ADD2: variants seen among roughly 807,000 people sequenced by gnomAD.
ADD2 encodes the protein beta-adducin.
ADD2 carries 23 observed loss-of-function variants against 83.0 expected under a neutral mutation model. That is an observed-to-expected ratio of 0.28 (90% CI 0.20 to 0.39). The LOEUF (loss-of-function observed/expected upper bound fraction) is 0.39. ADD2 is among the 10% of genes least tolerant of loss of function. The pLI is 1.00. For synonymous variants in ADD2, 375 were observed against 375.4 expected, an observed-to-expected ratio of 1.00 and a Z score of 0.01; for missense variants, 758 against 944.9, an observed-to-expected ratio of 0.80 and a Z score of 2.59.
At chr2:70,698,344 C>T (rs1208936852) in intron 4 of ADD2, among the ~76,000 whole-genome samples, 1 of 152,190 alleles carries the variant, frequency 6.6e-6, no homozygotes, top group Non-Finnish European at 1.5e-5. Context: ...AAGAGGATGA[C>T]CTCACCCACA....
chr2:70,692,267 G>A (rs749929713), intron 7 of ADD2, 136 bp downstream of exon 7: 117 of 996,314 alleles, frequency 1.2e-4, no homozygotes, highest in Middle Eastern at 4.3e-4. Flanking sequence ...GAGGCTGGGC[G>A]TTTCCACGTT....
chr2:70,683,683 C>G lies in ADD2; in HGVS notation c.1033G>C (p.Val345Leu), dbSNP rs782815520. 2.5e-6 allele frequency: 4 copies of G among 1,614,174 alleles called. No individual in the cohort carries two copies. Among genetic ancestry groups the G allele is most frequent in the Non-Finnish European group, 2.5e-6 (3 of 1,180,026 alleles). ...CCAAAGGTGCTCCCGGCCCACTGCA[C>G]GGAGCCCACCTCATGGGGCCGGTGC... Reference protein sequence around the residue: ...EKHRPHEVGSVQWAGSTFGPM... With the variant: ...EKHRPHEVGSLQWAGSTFGPM... The change falls in exon 10 of 16, where the codon GTG becomes CTG. Residue 345 changes from valine to leucine, a missense_variant. Coordinates refer to ENST00000264436, the MANE Select transcript of ADD2 (RefSeq NM_001617.4).
chr2:70,690,102 A>AT (rs59520375), intron 8 of ADD2, among the ~76,000 whole-genome samples: 43,400 of 148,660 alleles, frequency 0.29, 6,620 homozygotes, highest in East Asian at 0.44. Flanking sequence ...GAAAAAAAAA[A>AT]TTTTTTTTTT....
At chr2:70,674,987 CT>C in intron 13 of ADD2, 162 bp from the exon 14 acceptor site, 1 of 1,344,136 alleles carries the variant, frequency 7.4e-7, no homozygotes, top group East Asian at 2.6e-5. Flanking sequence ...AGGGATTGTT[CT>C]TTCCTCCCCA....
chr2:70,689,434 T>C (rs182079284), intron 8 of ADD2, among the ~76,000 whole-genome samples: 2 of 152,242 alleles, frequency 1.3e-5, no homozygotes, highest in Admixed American at 1.3e-4. Context: ...TCCTCTCCTG[T>C]TGAAAACAGC....
At chr2:70,756,150 C>A (rs1459952117) in intron 1 of ADD2, among the ~76,000 whole-genome samples, 1 of 152,010 alleles carries the variant, frequency 6.6e-6, no homozygotes, top group African/African-American at 2.4e-5. Flanking sequence ...CTATACAGAG[C>A]AGCAGATCCT....
rs931063445 is a variant in ADD2 at position 70,690,834 on chromosome 2, C to T, written c.801G>A (p.Gln267=). Residue 267 remains glutamine (Q), a synonymous_variant, in exon 8 of 16, where the codon CAG becomes CAA. Coordinates refer to ENST00000264436, the MANE Select transcript of ADD2 (RefSeq NM_001617.4). ...AYYDFNGEME[Q]EADRINLQKC... is the part of the protein sequence containing the mutation. ...TCTGCAGGTTGATCCGATCGGCTTC[C>T]TGCTCCATTTCCCCATTGAAGTCAT... 1 of 1,614,214 alleles carries T rather than the reference C, an allele frequency of 6.2e-7. No homozygotes were observed. The highest frequency in any genetic ancestry group is 1.7e-5 in the Admixed American group (1 of 60,022).
chr2:70,691,779 G>A (rs1413090690), intron 7 of ADD2: 1 of 152,156 alleles, frequency 6.6e-6, no homozygotes, highest in African/African-American at 2.4e-5. Context: ...TGAGAAAACG[G>A]GCTGATGACA....
rs1221583952 is a variant in ADD2 at position 70,662,577 on chromosome 2, A to G, written c.*848T>C. Reference sequence around the variant, plus strand: ...CTGTTGTTTTGATCCTCCTTATACAACCCAAAGCCAACAGAGGATTTCAAC... The same window carrying G: ...CTGTTGTTTTGATCCTCCTTATACAGCCCAAAGCCAACAGAGGATTTCAAC... On this transcript the variant is annotated 3_prime_UTR_variant, in exon 16 of 16. Coordinates refer to ENST00000264436, the MANE Select transcript of ADD2 (RefSeq NM_001617.4). 1 of 152,180 alleles carries G rather than the reference A, an allele frequency of 6.6e-6. No homozygotes were observed. Among genetic ancestry groups the G allele is most frequent in the Non-Finnish European group, 1.5e-5 (1 of 68,034 alleles). 9.4% of individuals were successfully genotyped at this position (152,180 alleles called of 1,614,324 possible).
intron 1 of ADD2, among the ~76,000 whole-genome samples, chr2:70,729,945 C>T (rs79387433): frequency 0.018 from 2,746 of 151,678 alleles, 78 homozygotes; most frequent in African/African-American, 0.062. Flanking sequence ...TTAAAACTTT[C>T]TTTTAATATA....
chr2:70,732,494 G>A (rs1243821546), intron 1 of ADD2, among the ~76,000 whole-genome samples: 1 of 152,196 alleles, frequency 6.6e-6, no homozygotes, highest in Non-Finnish European at 1.5e-5. Context: ...AGAAGGCAAG[G>A]CACTAAGCTG....
At chr2:70,709,145 T>C (rs1553375042) in intron 2 of ADD2, among the ~76,000 whole-genome samples, 5 of 152,184 alleles carry the variant, frequency 3.3e-5, no homozygotes, top group Non-Finnish European at 7.3e-5. Flanking sequence ...TCTGCAAAGC[T>C]GCCAAACCAG....
At chr2:70,704,579 G>T (rs1671793271) in intron 3 of ADD2, 120 bp from the exon 4 acceptor site, 1 of 1,220,632 alleles carries the variant, frequency 8.2e-7, no homozygotes. Context: ...CATGCTCAGG[G>T]TCCCCAGCTA....
intron 1 of ADD2, among the ~76,000 whole-genome samples, chr2:70,756,356 C>T (rs782397241): frequency 2.6e-5 from 4 of 152,080 alleles, no homozygotes; most frequent in Admixed American, 1.3e-4. Flanking sequence ...TGTTGGTGCC[C>T]GCAGATTAAA....
intron 13 of ADD2, chr2:70,675,268 G>A (rs868959028): frequency 1.0e-6 from 1 of 1,002,262 alleles, no homozygotes; most frequent in South Asian, 4.5e-5. Context: ...CCACAGCAGT[G>A]CAAGCCACAA....
chr2:70,727,865 C>G (rs1202780459), intron 1 of ADD2, among the ~76,000 whole-genome samples: 5 of 151,520 alleles, frequency 3.3e-5, no homozygotes, highest in Admixed American at 1.3e-4. Context: ...CACTGCACTC[C>G]AGCCTGGGCG....
At chr2:70,711,628 T>C (rs116041644) in intron 2 of ADD2, among the ~76,000 whole-genome samples, 2,389 of 152,214 alleles carry the variant, frequency 0.016, 50 homozygotes, top group Non-Finnish European at 0.022. Context: ...ACTTCCTAGT[T>C]GGTGAACACA....
At chr2:70,667,726 GT>G (rs34475370) in intron 15 of ADD2, among the ~76,000 whole-genome samples, 21,050 of 151,972 alleles carry the variant, frequency 0.14, 1,635 homozygotes, top group South Asian at 0.22. Flanking sequence ...TCAAGTGATT[GT>G]CCTGCCTCAG....
chr2:70,676,975 GAA>G lies in ADD2; in HGVS notation c.1504-92_1504-91del. 1 of 1,539,076 alleles carries G rather than the reference GAA, an allele frequency of 6.5e-7. No homozygotes were observed. The highest frequency in any genetic ancestry group is 8.8e-7 in the Non-Finnish European group (1 of 1,139,126). On this transcript the variant is annotated intron_variant, in intron 12 of 15. Coordinates refer to ENST00000264436, the MANE Select transcript of ADD2 (RefSeq NM_001617.4). The surrounding 1 kb of genome is among the most constrained non-coding windows in gnomAD (Gnocchi z 4.8). Reference sequence around the variant, plus strand: ...GGCATACGGGTGTGCCTGGGGTCTAGAAAGGTCCTCTAGCGGTGTGGGAGCCC... The same window carrying G: ...GGCATACGGGTGTGCCTGGGGTCTAGAGGTCCTCTAGCGGTGTGGGAGCCC...
Sources: allele counts gnomAD v4.1 joint callset (sites outside exome capture counted in the v4.1 genomes callset), GRCh38; gene constraint gnomAD v4.1.1; non-coding constraint Gnocchi (gnomAD v3.1); transcripts MANE v1.5; gene names NCBI Gene and HGNC (gene_info 2026-07-23, HGNC 2026-07-21).